Variants in PCSK5 observed in about 807,000 individuals in gnomAD.
PCSK5 encodes the protein prohormone convertase 5.
In PCSK5, 129 loss-of-function variants were observed where a neutral mutation model predicts 233.2. The ratio of observed to expected loss-of-function variants is 0.55; its 90% CI spans 0.48 to 0.64. The LOEUF (loss-of-function observed/expected upper bound fraction) is 0.64. Among genes scored for constraint, PCSK5 ranks in the 30% least tolerant of loss-of-function variants. The probability of loss-of-function intolerance (pLI) is 0.00; values close to 1 mark genes in which losing one functional copy is unlikely to be tolerated. For missense variants in PCSK5, 2,076 were observed against 2,430.1 expected, an observed-to-expected ratio of 0.85 and a Z score of 3.06; for synonymous variants, 825 against 879.2, an observed-to-expected ratio of 0.94 and a Z score of 1.09.
chr9:75,923,453 T>C (rs1465316948), intron 1 of PCSK5, among the ~76,000 whole-genome samples: 3 of 148,238 alleles, frequency 2.0e-5, no homozygotes, highest in African/African-American at 7.8e-5. Context: ...ATCAAGATCA[T>C]GTGAAAAAAA....
chr9:75,959,284 CAG>C (rs777012984), intron 2 of PCSK5, among the ~76,000 whole-genome samples: 3 of 152,116 alleles, frequency 2.0e-5, no homozygotes, highest in Admixed American at 6.6e-5. Flanking sequence ...AGATGCAAGA[CAG>C]AGAGTGGCAT....
intron 34 of PCSK5, among the ~76,000 whole-genome samples, chr9:76,335,287 G>C (rs2803439): frequency 6.6e-6 from 1 of 151,924 alleles, no homozygotes. Context: ...GTTCCACAGC[G>C]TGTAAAGTTC....
At chr9:76,350,788 C>T (rs1830100589) in intron 35 of PCSK5, 40 bp from the exon 36 acceptor site, 1 of 1,200,498 alleles carries the variant, frequency 8.3e-7, no homozygotes, top group African/African-American at 1.5e-5. Context: ...AAGTTGAAAT[C>T]TAAGGTCAAT....
chr9:75,971,542 T>G (rs1227879050), intron 2 of PCSK5, among the ~76,000 whole-genome samples: 2 of 152,190 alleles, frequency 1.3e-5, no homozygotes, highest in Admixed American at 6.5e-5. Flanking sequence ...TAATTTACAT[T>G]CCCACCAACA....
chr9:76,181,535 A>C lies in PCSK5; in HGVS notation c.2141A>C (p.Asn714Thr). The C allele has an allele frequency of 6.2e-7, 1 of 1,614,046 alleles. No individual in the cohort carries two copies. The highest frequency in any genetic ancestry group is 2.2e-5 in the East Asian group (1 of 44,868). The change falls in exon 16 of 38, where the codon AAT becomes ACT. Residue 714 changes from asparagine (N) to threonine (T), a missense_variant. Around this residue, in one of 6 missense-constraint regions of PCSK5, gnomAD observed 1,510 missense variants for 1,538.1 expected, o/e 0.98. Transcript: ENST00000674117. Reference sequence around the variant, plus strand: ...TCCTGCAAATATGGATACTTTCTGAATGAAGAAACCAACAGCTGTGTTACT... The same window carrying C: ...TCCTGCAAATATGGATACTTTCTGACTGAAGAAACCAACAGCTGTGTTACT... Reference protein sequence around the residue: ...CMSCKYGYFLNEETNSCVTHC... With the variant: ...CMSCKYGYFLTEETNSCVTHC...
chr9:75,948,314 C>G (rs1203822095), intron 2 of PCSK5, among the ~76,000 whole-genome samples: 1 of 138,678 alleles, frequency 7.2e-6, no homozygotes, highest in East Asian at 2.2e-4. Flanking sequence ...CCCCTCGCCC[C>G]CCCACCCCCC....
chr9:76,255,933 G>C (rs1338261342), intron 24 of PCSK5, among the ~76,000 whole-genome samples: 1 of 152,210 alleles, frequency 6.6e-6, no homozygotes, highest in Non-Finnish European at 1.5e-5. Flanking sequence ...GCTAGCAAGT[G>C]TTAGAGCCAA....
chr9:76,125,600 G>A (rs534206900), intron 9 of PCSK5, among the ~76,000 whole-genome samples: 2 of 152,176 alleles, frequency 1.3e-5, no homozygotes, highest in Non-Finnish European at 2.9e-5. Flanking sequence ...TAGTATGTAT[G>A]CCTGGCACAC....
intron 10 of PCSK5, among the ~76,000 whole-genome samples, chr9:76,139,749 T>A (rs1273456061): frequency 1.3e-5 from 2 of 151,928 alleles, no homozygotes; most frequent in Non-Finnish European, 2.9e-5. Flanking sequence ...ATTGTGTAGA[T>A]GAGCTTATCT....
intron 13 of PCSK5, among the ~76,000 whole-genome samples, chr9:76,170,620 A>G (rs1042660082): frequency 1.3e-5 from 2 of 152,228 alleles, no homozygotes; most frequent in African/African-American, 4.8e-5. Flanking sequence ...ATCTTTAGCC[A>G]TCAGATAAAG....
rs1484123101 is a variant in PCSK5 at position 76,188,594 on chromosome 9, T to G, written c.2299T>G (p.Cys767Gly). 1 of 1,613,248 alleles carries G rather than the reference T, an allele frequency of 6.2e-7. No homozygotes were observed. Among genetic ancestry groups the G allele is most frequent in the Non-Finnish European group, 8.5e-7 (1 of 1,179,258 alleles). The change falls in exon 18 of 38, where the codon TGC (cysteine) becomes GGC (glycine). Residue 767 changes from cysteine to glycine, a missense_variant. Transcript: ENST00000674117. ...TTCTTCCAGCCTGCAGGGATCCCGG[T>G]GCTCTGTCTCCTGTGAAGATGGACG... ...RDGLSLQGSRCSVSCEDGRYF... is the reference protein window; with the variant it reads ...RDGLSLQGSRGSVSCEDGRYF...
chr9:76,048,301 T>G lies in PCSK5; in HGVS notation c.633-19654T>G, dbSNP rs562106517. On this transcript the variant is annotated intron_variant, in intron 5 of 37. Coordinates refer to ENST00000674117, the MANE Select transcript of PCSK5 (RefSeq NM_001372043.1). ...GGTGCTCGAATTGGCACAGGTTTCATTAGTAATAATATCATTCTTGCATGG... is the reference window on the plus strand; with the variant it reads ...GGTGCTCGAATTGGCACAGGTTTCAGTAGTAATAATATCATTCTTGCATGG... Among the ~76,000 whole-genome samples, 6 of 152,324 alleles carry G rather than the reference T, an allele frequency of 3.9e-5. No homozygotes were observed. In the East Asian group the frequency reaches 1.2e-3, roughly 29 times the overall value.
intron 24 of PCSK5, among the ~76,000 whole-genome samples, chr9:76,281,533 A>G (rs990185085): frequency 2.0e-5 from 3 of 152,248 alleles, no homozygotes; most frequent in African/African-American, 7.2e-5. Context: ...CTGCTCATTG[A>G]CAATGTACCT....
At chr9:75,892,266 G>A (rs1015241362) in intron 1 of PCSK5, among the ~76,000 whole-genome samples, 4 of 152,228 alleles carry the variant, frequency 2.6e-5, no homozygotes, top group African/African-American at 4.8e-5. Flanking sequence ...ATGCTATGAG[G>A]ATGATTGGAA....
At chr9:76,239,231 C>T in intron 23 of PCSK5, 66 bp downstream of exon 23, 1 of 1,333,520 alleles carries the variant, frequency 7.5e-7, no homozygotes, top group South Asian at 1.3e-5. Context: ...CCCTGGATGT[C>T]CTGGAGACTT....
chr9:76,110,964 A>G (rs1047283133), intron 9 of PCSK5, among the ~76,000 whole-genome samples: 1 of 152,076 alleles, frequency 6.6e-6, no homozygotes, highest in Non-Finnish European at 1.5e-5. Context: ...AAAATTAGCC[A>G]GGCGTGGTAG....
At chr9:76,145,957 A>AT (rs1823425738) in intron 10 of PCSK5, among the ~76,000 whole-genome samples, 1 of 152,204 alleles carries the variant, frequency 6.6e-6, no homozygotes, top group Non-Finnish European at 1.5e-5. Context: ...ACCTAGCACT[A>AT]TAAAGTGAGA....
At chr9:76,342,322 A>G (rs1829856899) in intron 35 of PCSK5, among the ~76,000 whole-genome samples, 1 of 152,188 alleles carries the variant, frequency 6.6e-6, no homozygotes, top group Admixed American at 6.5e-5. Flanking sequence ...CAGGAGGGAT[A>G]CTTAAGACTT....
chr9:76,250,269 C>T (rs1587104), intron 24 of PCSK5, among the ~76,000 whole-genome samples: 14,298 of 152,132 alleles, frequency 0.094, 758 homozygotes, highest in African/African-American at 0.14. Context: ...ACTGCTGCTC[C>T]CCAGCCTGGC....
Sources: allele counts gnomAD v4.1 joint callset (sites outside exome capture counted in the v4.1 genomes callset), GRCh38; gene constraint gnomAD v4.1.1; regional missense constraint gnomAD v4.1.1; transcripts MANE v1.5; gene names NCBI Gene and HGNC (gene_info 2026-07-23, HGNC 2026-07-21).